The following RASSF2 variants were observed in gnomAD, a reference collection of about 807,000 sequenced individuals.
RASSF2 encodes the protein Ras association domain family member 2, also known as ras association domain-containing protein 2.
A neutral mutation model predicts 46.3 loss-of-function variants in RASSF2; 34 were observed. The observed-to-expected ratio is 0.73, with a 90% CI of 0.56 to 0.98. The LOEUF is 0.98. RASSF2 is among the 50% of genes least tolerant of loss of function. RASSF2 has a pLI of 0.00. For synonymous variants in RASSF2, 158 were observed against 162.5 expected (o/e 0.97, Z 0.21); for missense variants, 364 against 431.2 (o/e 0.84, Z 1.38).
intron 2 of RASSF2, among the ~76,000 whole-genome samples, chr20:4,808,069 G>T (rs6076740): frequency 0.11 from 17,344 of 152,248 alleles, 1,294 homozygotes; most frequent in Non-Finnish European, 0.17. Context: ...ACACAAGGAA[G>T]GTCAGAGGAA....
At chr20:4,810,016 A>G (rs1228636428) in intron 2 of RASSF2, among the ~76,000 whole-genome samples, 1 of 152,176 alleles carries the variant, frequency 6.6e-6, no homozygotes, top group African/African-American at 2.4e-5. Context: ...AGCATGCAAT[A>G]GATTAAGGGG....
intron 5 of RASSF2, among the ~76,000 whole-genome samples, chr20:4,793,455 T>G (rs1412463851): frequency 6.6e-6 from 1 of 152,122 alleles, no homozygotes; most frequent in Non-Finnish European, 1.5e-5. Flanking sequence ...GAAGGACAAT[T>G]AAAATGGAAA....
At chr20:4,813,547 G>A (rs752858382) in intron 2 of RASSF2, among the ~76,000 whole-genome samples, 2 of 152,244 alleles carry the variant, frequency 1.3e-5, no homozygotes, top group South Asian at 2.1e-4. Flanking sequence ...CTCGCAGACC[G>A]GAGGAGCAGC....
intron 8 of RASSF2, 67 bp downstream of exon 8, chr20:4,789,529 A>C (rs1925676137): frequency 1.5e-6 from 2 of 1,375,654 alleles, no homozygotes; most frequent in Non-Finnish European, 1.0e-6. Context: ...CTCCTCGCAC[A>C]ACCACTCTAG....
At chr20:4,793,035 A>G in intron 5 of RASSF2, 1 of 188,052 alleles carries the variant, frequency 5.3e-6, no homozygotes, top group South Asian at 9.3e-5. Context: ...GCAGGGTAAG[A>G]TTCCAGTTTA....
Position 4,798,072 on chromosome 20 carries a change from A to G in RASSF2, c.73T>C (p.Leu25=), listed in dbSNP as rs781379824. 6.2e-7 allele frequency: 1 copy of G among 1,613,804 alleles called. No homozygotes were observed. Among genetic ancestry groups the G allele is most frequent in the Non-Finnish European group, 8.5e-7 (1 of 1,179,754 alleles). ...DKYISKNELL[L]HLKTYNLYYE... Reference sequence around the variant, plus strand: ...TACAAGTTGTAGGTCTTCAGATGCAAGAGAAGTTCATTTCTTAGGGGGAAA... The same window carrying G: ...TACAAGTTGTAGGTCTTCAGATGCAGGAGAAGTTCATTTCTTAGGGGGAAA... Residue 25 remains leucine (L), a synonymous_variant, in exon 4 of 12, where the codon TTG becomes CTG. Transcript: ENST00000379400.
chr20:4,786,982 C>G (rs1396208565), intron 10 of RASSF2, among the ~76,000 whole-genome samples: 2 of 151,594 alleles, frequency 1.3e-5, no homozygotes, highest in Non-Finnish European at 2.9e-5. Context: ...ACGCAGGGGT[C>G]TGAGGCAGGA....
At chr20:4,797,537 T>C (rs1199900191) in intron 4 of RASSF2, among the ~76,000 whole-genome samples, 1 of 151,904 alleles carries the variant, frequency 6.6e-6, no homozygotes, top group Non-Finnish European at 1.5e-5. Context: ...AAAAGCAACC[T>C]AGGATGACCA....
intron 2 of RASSF2, among the ~76,000 whole-genome samples, chr20:4,816,573 G>A (rs935395645): frequency 1.3e-5 from 2 of 152,128 alleles, no homozygotes; most frequent in African/African-American, 4.8e-5. Flanking sequence ...TGGAGTTAAT[G>A]CCACTAATTT....
chr20:4,801,254 C>T (rs966072816), intron 2 of RASSF2, among the ~76,000 whole-genome samples, 192 bp from the exon 3 acceptor site: 25 of 152,180 alleles, frequency 1.6e-4, no homozygotes, highest in African/African-American at 6.0e-4. Flanking sequence ...CTTGCCACAG[C>T]CTCTGAGAAC....
chr20:4,812,594 C>G lies in RASSF2; in HGVS notation c.-33+9735G>C, dbSNP rs1927911886. The stretch of plus-strand genomic sequence containing the variant: ...CTCGTTAAAATACAGATTGCAGGTC[C>G]CTTTGCCCCAGTTTCTGATTCAGTA... On this transcript the variant is annotated intron_variant, in intron 2 of 11. Transcript: ENST00000379400. The surrounding 1 kb of genome is among the most constrained non-coding windows in gnomAD (Gnocchi z 4.0). Among the ~76,000 whole-genome samples, 1 of 152,170 alleles carries G rather than the reference C, an allele frequency of 6.6e-6. No individual in the cohort carries two copies. The highest frequency in any genetic ancestry group is 2.4e-5 in the African/African-American group (1 of 41,448).
At chr20:4,786,205 C>T (rs1355934430) in intron 11 of RASSF2, 26 bp downstream of exon 11, 2 of 1,560,676 alleles carry the variant, frequency 1.3e-6, no homozygotes, top group Middle Eastern at 1.8e-4. Context: ...GAGAAGTGCA[C>T]CCAGTGCCCC....
At position 4,800,916 on chromosome 20, in the gene RASSF2, A is replaced by G. The variant is rs1012837856; in HGVS notation, c.59+56T>C. On this transcript the variant is annotated intron_variant, in intron 3 of 11. Coordinates refer to ENST00000379400, the MANE Select transcript of RASSF2 (RefSeq NM_014737.3). ...TGCCAGCGGCTGCCGTCCACCCACA[A>G]CATCCCAGCACGGGACTGGTCACTG... is the stretch of plus-strand genomic sequence containing the variant. The G allele has an allele frequency of 3.4e-6, 5 of 1,476,688 alleles. No individual in the cohort carries two copies. The Admixed American group carries it at 6.7e-5, about 20-fold the overall frequency. The allele number at this position is 1,476,688 out of a possible 1,614,324, so 91.5% of individuals were successfully genotyped here. A position where few individuals can be genotyped will look rare whatever the true frequency, so the allele number is the denominator to read the frequency against.
chr20:4,816,754 C>G (rs991667992), intron 2 of RASSF2, among the ~76,000 whole-genome samples: 2 of 152,112 alleles, frequency 1.3e-5, no homozygotes, highest in Non-Finnish European at 2.9e-5. Flanking sequence ...CTTCCAGATG[C>G]TAATATAGAT....
intron 2 of RASSF2, among the ~76,000 whole-genome samples, chr20:4,817,620 C>A (rs894101561): frequency 8.5e-5 from 13 of 152,242 alleles, no homozygotes; most frequent in African/African-American, 2.9e-4. Flanking sequence ...CCAAAAAAAA[C>A]CAGTCCCTCC....
chr20:4,787,526 G>C, intron 10 of RASSF2, 107 bp downstream of exon 10: 1 of 1,396,096 alleles, frequency 7.2e-7, no homozygotes, highest in Non-Finnish European at 1.0e-6. Context: ...GAAGTAAAAG[G>C]GGGCATGGTC....
chr20:4,791,057 C>A (rs541516531), intron 6 of RASSF2, among the ~76,000 whole-genome samples: 4 of 152,260 alleles, frequency 2.6e-5, no homozygotes, highest in Non-Finnish European at 5.9e-5. Flanking sequence ...CACGGATGAA[C>A]CTTGATGACA....
Position 4,784,390 on chromosome 20 carries a change from C to T in RASSF2, c.912-48G>A, listed in dbSNP as rs780605149. ...GATGGAGAGCAGCCAGCAACACACC[C>T]CTGCCCAGGACCTTCCCGGCCACCT... On this transcript the variant is annotated intron_variant, in intron 11 of 11. Coordinates refer to ENST00000379400, the MANE Select transcript of RASSF2 (RefSeq NM_014737.3). The T allele has an allele frequency of 2.5e-6, 4 of 1,574,852 alleles. No individual in the cohort carries two copies. In the Admixed American group the frequency reaches 6.7e-5, roughly 26 times the overall value.
rs918595380 is a variant in RASSF2 at position 4,784,004 on chromosome 20, G to A, written c.*269C>T. 3 of 489,872 alleles carry A rather than the reference G, an allele frequency of 6.1e-6. No homozygotes were observed. The highest frequency in any genetic ancestry group is 5.8e-5 in the African/African-American group (3 of 51,810). 30.3% of individuals were successfully genotyped at this position (489,872 alleles called of 1,614,324 possible). On this transcript the variant is annotated 3_prime_UTR_variant, in exon 12 of 12. Transcript: ENST00000379400. ...GTAGGCACATGGACACGTACCATGT[G>A]TGCACACACATGTACACACACACAT...
Sources: allele counts gnomAD v4.1 joint callset (sites outside exome capture counted in the v4.1 genomes callset), GRCh38; gene constraint gnomAD v4.1.1; non-coding constraint Gnocchi (gnomAD v3.1); transcripts MANE v1.5; gene names NCBI Gene and HGNC (gene_info 2026-07-23, HGNC 2026-07-21).